TMEM178B: variants seen among roughly 807,000 people sequenced by gnomAD.
TMEM178B encodes the protein transmembrane protein 178B.
A neutral mutation model predicts 31.0 loss-of-function variants in TMEM178B; 5 were observed. The observed-to-expected ratio is 0.16, with a 90% CI of 0.08 to 0.34. The LOEUF is 0.34. Among genes scored for constraint, TMEM178B ranks in the 10% least tolerant of loss-of-function variants. The pLI is 1.00. For missense variants in TMEM178B, 275 were observed against 400.3 expected, an observed-to-expected ratio of 0.69 and a Z score of 2.67; for synonymous variants, 164 against 164.0, an observed-to-expected ratio of 1.00 and a Z score of 0.00.
intron 2 of TMEM178B, among the ~76,000 whole-genome samples, chr7:141,395,027 C>A (rs2116610366): frequency 6.6e-6 from 1 of 152,342 alleles, no homozygotes; most frequent in Admixed American, 6.5e-5. Context: ...CCTGCCGCCT[C>A]TTCACCTGCA....
In TMEM178B at chr7:141,131,879, T is replaced by C. The variant is rs1795600920; in HGVS notation, c.382+57187T>C. Among the ~76,000 whole-genome samples, 3 of 152,216 alleles carry C rather than the reference T, an allele frequency of 2.0e-5. No homozygotes were observed. In the South Asian group the frequency reaches 6.2e-4, roughly 32 times the overall value. On this transcript the variant is annotated intron_variant, in intron 1 of 3. Coordinates refer to ENST00000565468, the MANE Select transcript of TMEM178B (RefSeq NM_001195278.2). ...ATAAGAAACTGGCTGTCCTCAAAAG[T>C]GGTTGAACTATTTTATACACCCACC... is the stretch of plus-strand genomic sequence containing the variant.
At chr7:141,441,308 T>C (rs570260338) in intron 3 of TMEM178B, among the ~76,000 whole-genome samples, 7 of 152,340 alleles carry the variant, frequency 4.6e-5, no homozygotes, top group African/African-American at 1.7e-4. Context: ...GGCCAGTCCC[T>C]GCTCTCTAGG....
At chr7:141,302,817 T>G (rs1204199407) in intron 2 of TMEM178B, among the ~76,000 whole-genome samples, 1 of 152,170 alleles carries the variant, frequency 6.6e-6, no homozygotes, top group Non-Finnish European at 1.5e-5. Flanking sequence ...TTCTCTGTCC[T>G]GACAGATGCC....
intron 1 of TMEM178B, among the ~76,000 whole-genome samples, chr7:141,143,552 C>T (rs1321958343): frequency 1.3e-5 from 2 of 152,076 alleles, no homozygotes; most frequent in Admixed American, 1.3e-4. Context: ...TTTCTGGTTT[C>T]TCTATTCTGT....
intron 2 of TMEM178B, among the ~76,000 whole-genome samples, chr7:141,371,845 C>T (rs748622078): frequency 6.6e-5 from 10 of 152,190 alleles, no homozygotes; most frequent in Non-Finnish European, 1.0e-4. Context: ...TCCCTCTGCT[C>T]CTAGCTAGAT....
At chr7:141,121,316 T>C (rs1411808292) in intron 1 of TMEM178B, among the ~76,000 whole-genome samples, 1 of 152,204 alleles carries the variant, frequency 6.6e-6, no homozygotes, top group African/African-American at 2.4e-5. Flanking sequence ...CCAAAGAGTG[T>C]AGTAGATCTG....
At chr7:141,373,016 G>A (rs557435406) in intron 2 of TMEM178B, among the ~76,000 whole-genome samples, 16 of 152,300 alleles carry the variant, frequency 1.1e-4, no homozygotes, top group African/African-American at 3.9e-4. Flanking sequence ...GGAGTCCACC[G>A]CTGGCTCAGA....
At chr7:141,254,034 G>C (rs1294454953) in intron 2 of TMEM178B, among the ~76,000 whole-genome samples, 1 of 152,168 alleles carries the variant, frequency 6.6e-6, no homozygotes, top group Non-Finnish European at 1.5e-5. Context: ...TTGTTTATGA[G>C]TTTGGAATTT....
At chr7:141,439,575 C>T (rs1222815535) in intron 3 of TMEM178B, among the ~76,000 whole-genome samples, 1 of 152,130 alleles carries the variant, frequency 6.6e-6, no homozygotes, top group Non-Finnish European at 1.5e-5. Context: ...TTATGTAGCC[C>T]CCCAAAATAT....
rs145697273 is a variant in TMEM178B, at chr7:141,081,464, G to A, written c.382+6772G>A. Reference sequence around the variant, plus strand: ...AGCCTGGCCAACATGGTGAAACCCCGTCTCTACTAAAAATACAAAAAATTA... The same window carrying A: ...AGCCTGGCCAACATGGTGAAACCCCATCTCTACTAAAAATACAAAAAATTA... On this transcript the variant is annotated intron_variant, in intron 1 of 3. Transcript: ENST00000565468. Among the ~76,000 whole-genome samples the A allele has an allele frequency of 4.6e-3, 699 of 152,032 alleles. 3 individuals carry two copies. The highest frequency in any genetic ancestry group is 7.0e-3 in the Non-Finnish European group (474 of 67,956).
At chr7:141,364,106 A>G (rs1486331213) in intron 2 of TMEM178B, among the ~76,000 whole-genome samples, 2 of 152,134 alleles carry the variant, frequency 1.3e-5, no homozygotes, top group African/African-American at 2.4e-5. Flanking sequence ...ACAGCTTTCC[A>G]TCTTCTAGAA....
intron 2 of TMEM178B, among the ~76,000 whole-genome samples, chr7:141,298,356 G>T (rs1798670747): frequency 6.6e-6 from 1 of 152,158 alleles, no homozygotes. Flanking sequence ...AAGCTCTTTA[G>T]TTTAATTAGA....
intron 2 of TMEM178B, among the ~76,000 whole-genome samples, chr7:141,364,155 G>A (rs1799963654): frequency 6.6e-6 from 1 of 152,118 alleles, no homozygotes; most frequent in African/African-American, 2.4e-5. Flanking sequence ...AACAAAAAAT[G>A]TGGCCTCTTT....
At chr7:141,403,192 C>T (rs1317370430) in intron 2 of TMEM178B, among the ~76,000 whole-genome samples, 4 of 152,104 alleles carry the variant, frequency 2.6e-5, no homozygotes, top group East Asian at 1.9e-4. Flanking sequence ...GAGAGGTCAG[C>T]GGGGCAGTGG....
chr7:141,246,735 A>G (rs1411047964), intron 2 of TMEM178B, among the ~76,000 whole-genome samples: 1 of 152,080 alleles, frequency 6.6e-6, no homozygotes, highest in Non-Finnish European at 1.5e-5. Context: ...TTTGTGTTGT[A>G]GAGAAACGAA....
At chr7:141,319,627 A>G (rs1799064419) in intron 2 of TMEM178B, among the ~76,000 whole-genome samples, 1 of 152,030 alleles carries the variant, frequency 6.6e-6, no homozygotes, top group Non-Finnish European at 1.5e-5. Context: ...ATCTCAGCTT[A>G]CTGCAGGTTC....
At chr7:141,216,620 G>A (rs1319744872) in intron 2 of TMEM178B, among the ~76,000 whole-genome samples, 2 of 152,074 alleles carry the variant, frequency 1.3e-5, no homozygotes, top group Non-Finnish European at 2.9e-5. Flanking sequence ...TGGGTGAACT[G>A]GTGACCAGGT....
rs999413372 is a variant in TMEM178B, at chr7:141,463,117, C to T, written c.635-7419C>T. ...GCAGCTACTTGGGGTGGTGCCATCC[C>T]TTCTTCTAAGTGGACTCCTGAACTC... On this transcript the variant is annotated intron_variant, in intron 3 of 3. Coordinates refer to ENST00000565468, the MANE Select transcript of TMEM178B (RefSeq NM_001195278.2). Among the ~76,000 whole-genome samples the T allele has an allele frequency of 7.9e-5, 12 of 152,178 alleles. 1 individual carries two copies. Among genetic ancestry groups the T allele is most frequent in the Admixed American group, 7.9e-4 (12 of 15,280 alleles).
chr7:141,217,556 A>G (rs60217958), intron 2 of TMEM178B, among the ~76,000 whole-genome samples: 5,984 of 152,112 alleles, frequency 0.039, 400 homozygotes, highest in African/African-American at 0.14. Context: ...CAGGGCAGAC[A>G]CCCATTGGAA....
Sources: allele counts gnomAD v4.1 joint callset (sites outside exome capture counted in the v4.1 genomes callset), GRCh38; gene constraint gnomAD v4.1.1; transcripts MANE v1.5; gene names NCBI Gene and HGNC (gene_info 2026-07-23, HGNC 2026-07-21).